Variants in FOXN1 observed in about 807,000 individuals in gnomAD.
The protein encoded by FOXN1 is forkhead box N1.
A neutral mutation model predicts 49.0 loss-of-function variants in FOXN1; 15 were observed. That is an observed-to-expected ratio of 0.31 (90% CI 0.20 to 0.47). The LOEUF (loss-of-function observed/expected upper bound fraction) is 0.47. FOXN1 is among the 20% of genes least tolerant of loss of function. FOXN1 has a pLI of 1.00. For synonymous variants in FOXN1, 356 were observed against 369.0 expected (o/e 0.96, Z 0.40); for missense variants, 800 against 842.8 (o/e 0.95, Z 0.63).
intron 4 of FOXN1, among the ~76,000 whole-genome samples, 181 bp downstream of exon 4, chr17:28,527,542 CA>C (rs1208015351): frequency 6.6e-6 from 1 of 152,210 alleles, no homozygotes; most frequent in Non-Finnish European, 1.5e-5. Flanking sequence ...GGAAGAGAAG[CA>C]ATTGCCCTCC....
rs148161520 is a variant in FOXN1, at chr17:28,534,400, G to A, written c.997G>A (p.Glu333Lys). 4 of 1,614,078 alleles carry A rather than the reference G, an allele frequency of 2.5e-6. No individual in the cohort carries two copies. The highest frequency in any genetic ancestry group is 1.3e-5 in the African/African-American group (1 of 74,940). The change falls in exon 7 of 9, where the codon GAG becomes AAG. Residue 333 changes from glutamate to lysine, a missense_variant. Glu to Lys is a moderately conservative substitution (Grantham distance 56, BLOSUM62 1). Around this residue, in one of 3 missense-constraint regions of FOXN1, gnomAD observed 73 missense variants for 118.9 expected, o/e 0.61. Coordinates refer to ENST00000579795, the MANE Select transcript of FOXN1 (RefSeq NM_001369369.1). The surrounding 1 kb of genome is among the most constrained non-coding windows in gnomAD (Gnocchi z 4.1). ...LSLNKCFEKV[E>K]NKSGSSSRKG... ...CCTCAACAAGTGCTTCGAGAAGGTG[G>A]AGAACAAATCAGGAAGTTCCTCCCG...
chr17:28,530,456 C>T (rs1251860874), intron 5 of FOXN1, among the ~76,000 whole-genome samples: 1 of 152,208 alleles, frequency 6.6e-6, no homozygotes, highest in Non-Finnish European at 1.5e-5. Flanking sequence ...GTAGCTATTA[C>T]TTTCTTCACT....
Position 28,534,731 on chromosome 17 carries a change from A to G in FOXN1, c.1160A>G (p.Asp387Gly). The change falls in exon 8 of 9, where the codon GAC becomes GGC. Residue 387 changes from aspartate to glycine, a missense_variant. Physicochemically the swap from Asp to Gly is moderately conservative, Grantham distance 94. This residue lies in a region of FOXN1 where 344 missense variants were observed against 366.1 expected (regional missense o/e 0.94). Coordinates refer to ENST00000579795, the MANE Select transcript of FOXN1 (RefSeq NM_001369369.1). This position sits in a 1 kb window ranked among gnomAD's most constrained non-coding sequence, Gnocchi z 4.1. ...KPEELDSLIGDKREKLGSPLL... is the reference protein window; with the variant it reads ...KPEELDSLIGGKREKLGSPLL... The stretch of plus-strand genomic sequence containing the variant: ...GAAGAGCTGGACAGCCTCATTGGAG[A>G]CAAGAGAGAAAAGCTGGGCTCCCCA... The G allele has an allele frequency of 3.1e-6, 5 of 1,613,472 alleles. No individual in the cohort carries two copies. Among genetic ancestry groups the G allele is most frequent in the Non-Finnish European group, 4.2e-6 (5 of 1,179,888 alleles).
chr17:28,517,647 G>T (rs374868892), intron 1 of FOXN1, among the ~76,000 whole-genome samples: 12 of 14,910 alleles, frequency 8.0e-4, no homozygotes, highest in Non-Finnish European at 7.6e-4. Flanking sequence ...ACAGGGTACA[G>T]ACCTCCACAG....
intron 1 of FOXN1, among the ~76,000 whole-genome samples, chr17:28,512,383 C>T (rs1204619829): frequency 2.6e-5 from 4 of 152,214 alleles, no homozygotes; most frequent in African/African-American, 9.7e-5. Context: ...CTCAAAAGTC[C>T]AGCTTTCCAG....
intron 1 of FOXN1, among the ~76,000 whole-genome samples, chr17:28,510,756 G>T (rs1308969471): frequency 6.6e-6 from 1 of 152,216 alleles, no homozygotes. Context: ...TGGAGCCCAC[G>T]TTGGGCACCA....
chr17:28,508,139 G>A (rs1212951133), intron 1 of FOXN1, among the ~76,000 whole-genome samples: 3 of 152,226 alleles, frequency 2.0e-5, no homozygotes, highest in African/African-American at 7.2e-5. Context: ...TGTTCTCCCG[G>A]GAATGCCAGG....
rs528722201 is a variant in FOXN1 at position 28,537,305 on chromosome 17, G to A, written c.1816G>A (p.Gly606Arg). ...GGCAGCCCCGGGCAGTGGTGGCTCCGGGGCACTGGGTGACCTGCACCTCAC... is the reference window on the plus strand; with the variant it reads ...GGCAGCCCCGGGCAGTGGTGGCTCCAGGGCACTGGGTGACCTGCACCTCAC... ...DLAAPGSGGS[G>R]ALGDLHLTTL... Residue 606 changes from glycine (G) to arginine (R), a missense_variant, in exon 9 of 9, where the codon GGG becomes AGG. Gly to Arg is a moderately radical substitution (Grantham distance 125, BLOSUM62 -2). Around this residue, in one of 3 missense-constraint regions of FOXN1, gnomAD observed 344 missense variants for 366.1 expected, o/e 0.94. Transcript: ENST00000579795. The A allele has an allele frequency of 1.3e-5, 21 of 1,613,758 alleles. No homozygotes were observed. The highest frequency in any genetic ancestry group is 6.6e-5 in the South Asian group (6 of 91,076).
Position 28,534,763 on chromosome 17 carries a change from G to A in FOXN1, c.1192G>A (p.Gly398Ser). 1.2e-6 allele frequency: 2 copies of A among 1,613,624 alleles called. No individual in the cohort carries two copies. The highest frequency in any genetic ancestry group is 1.7e-6 in the Non-Finnish European group (2 of 1,179,770). The change falls in exon 8 of 9, where the codon GGC becomes AGC. Residue 398 changes from glycine (G) to serine (S), a missense_variant. Gly to Ser is a moderately conservative substitution (Grantham distance 56). This residue lies in a region of FOXN1 where 344 missense variants were observed against 366.1 expected (regional missense o/e 0.94). Transcript: ENST00000579795. This position sits in a 1 kb window ranked among gnomAD's most constrained non-coding sequence, Gnocchi z 4.1. ...AGAAAAGCTGGGCTCCCCACTCCTGGGCTGTCCGCCCCCTGGGCTGTCCGG... is the reference window on the plus strand; with the variant it reads ...AGAAAAGCTGGGCTCCCCACTCCTGAGCTGTCCGCCCCCTGGGCTGTCCGG... ...KREKLGSPLL[G>S]CPPPGLSGSG...
chr17:28,523,999 C>A lies in FOXN1; in HGVS notation c.30C>A (p.Asp10Glu), dbSNP rs371402008. 1 of 1,613,056 alleles carries A rather than the reference C, an allele frequency of 6.2e-7. No individual in the cohort carries two copies. Among genetic ancestry groups the A allele is most frequent in the Non-Finnish European group, 8.5e-7 (1 of 1,179,940 alleles). MVSLPPPQS[D>E]VTLPGPTRLE... ...TGTCGCTACCCCCGCCGCAGTCTGA[C>A]GTCACGCTGCCGGGCCCCACCAGAC... The change falls in exon 2 of 9, where the codon GAC becomes GAA. Residue 10 changes from aspartate (D) to glutamate (E), a missense_variant. Transcript: ENST00000579795.
chr17:28,526,777 C>A (rs1038887495), intron 3 of FOXN1, among the ~76,000 whole-genome samples: 1 of 152,176 alleles, frequency 6.6e-6, no homozygotes, highest in African/African-American at 2.4e-5. Context: ...CCCAGGCCCA[C>A]AGCTGGACCA....
intron 1 of FOXN1, among the ~76,000 whole-genome samples, chr17:28,519,370 C>A (rs1262087301): frequency 6.6e-6 from 1 of 151,712 alleles, no homozygotes; most frequent in Non-Finnish European, 1.5e-5. Context: ...GAGTGCACTG[C>A]AGATGTGGAA....
chr17:28,523,895 A>G (rs1302395443), intron 1 of FOXN1, 61 bp from the exon 2 acceptor site: 11 of 1,584,592 alleles, frequency 6.9e-6, no homozygotes, highest in Non-Finnish European at 9.5e-6. Flanking sequence ...GAGGTGGCGA[A>G]CCTGGGTTGG....
intron 6 of FOXN1, 36 bp downstream of exon 6, chr17:28,530,881 A>C (rs1167923771): frequency 8.4e-7 from 1 of 1,194,364 alleles, no homozygotes; most frequent in Non-Finnish European, 1.3e-6. Flanking sequence ...CATCACCCCC[A>C]AGTCCTGGAC....
chr17:28,526,269 C>T (rs1373798722), intron 3 of FOXN1, among the ~76,000 whole-genome samples: 4 of 152,232 alleles, frequency 2.6e-5, no homozygotes. Context: ...GACACAAGTG[C>T]TCTTGGCCCT....
intron 1 of FOXN1, among the ~76,000 whole-genome samples, chr17:28,513,743 C>T (rs2069439320): frequency 1.3e-5 from 2 of 152,212 alleles, no homozygotes; most frequent in Non-Finnish European, 2.9e-5. Context: ...TGAATGACTC[C>T]CCGAAGCGGT....
intron 3 of FOXN1, 72 bp from the exon 4 acceptor site, chr17:28,527,179 A>G: frequency 1.9e-6 from 2 of 1,026,140 alleles, no homozygotes; most frequent in Non-Finnish European, 3.0e-6. Flanking sequence ...CTTTTATGTA[A>G]GGTTCAAGAC....
chr17:28,515,290 C>T (rs1397182378), intron 1 of FOXN1, among the ~76,000 whole-genome samples: 1 of 151,764 alleles, frequency 6.6e-6, no homozygotes, highest in Non-Finnish European at 1.5e-5. Flanking sequence ...TACACACTTC[C>T]ACAGGGTACA....
chr17:28,529,158 G>A lies in FOXN1; in HGVS notation c.764G>A (p.Arg255Gln), dbSNP rs541713029. The A allele has an allele frequency of 1.1e-5, 18 of 1,614,142 alleles. No individual in the cohort carries two copies. Among genetic ancestry groups the A allele is most frequent in the Non-Finnish European group, 1.4e-5 (16 of 1,180,016 alleles). Reference sequence around the variant, plus strand: ...GGCTCCTCACACTATCAGTACCAGCGAATGGCACCCCAGGCCAGCACCGAT... The same window carrying A: ...GGCTCCTCACACTATCAGTACCAGCAAATGGCACCCCAGGCCAGCACCGAT... ...YLGSSHYQYQRMAPQASTDGH... is the reference protein window; with the variant it reads ...YLGSSHYQYQQMAPQASTDGH... Residue 255 changes from arginine to glutamine, a missense_variant, in exon 5 of 9, where the codon CGA becomes CAA. Arg to Gln is a conservative substitution (Grantham distance 43). This residue lies in a region of FOXN1 where 383 missense variants were observed against 357.9 expected (regional missense o/e 1.07). Coordinates refer to ENST00000579795, the MANE Select transcript of FOXN1 (RefSeq NM_001369369.1).
Sources: gnomAD v4.1 joint callset for allele counts (sites outside exome capture counted in the v4.1 genomes callset) on GRCh38, gnomAD v4.1.1 for gene constraint, gnomAD v4.1.1 regional missense constraint, Gnocchi (gnomAD v3.1) non-coding constraint, MANE v1.5 for transcripts, NCBI Gene and HGNC (gene_info 2026-07-23, HGNC 2026-07-21) for gene names.